The following DNAH10 variants were observed in gnomAD, a reference collection of about 807,000 sequenced individuals.
DNAH10 encodes the protein dynein axonemal heavy chain 10, also known as axonemal beta dynein heavy chain 10.
In DNAH10, 348 loss-of-function variants were observed where a neutral mutation model predicts 506.6. The ratio of observed to expected loss-of-function variants is 0.69; its 90% CI spans 0.63 to 0.75. The LOEUF (loss-of-function observed/expected upper bound fraction) is 0.75, where lower values mean the gene tolerates loss of function less well. Ranked by LOEUF, DNAH10 falls within the 30% of genes least tolerant of loss-of-function variation. DNAH10 has a pLI of 0.00. For missense variants in DNAH10, 5,179 were observed against 5,787.1 expected, an observed-to-expected ratio of 0.89 and a Z score of 3.41; for synonymous variants, 2,059 against 2,198.6, an observed-to-expected ratio of 0.94 and a Z score of 1.78.
intron 58 of DNAH10, among the ~76,000 whole-genome samples, chr12:123,910,096 A>C (rs916481928): frequency 6.6e-6 from 1 of 152,216 alleles, no homozygotes; most frequent in African/African-American, 2.4e-5. Flanking sequence ...AACAAAAGCA[A>C]TCTCAACACA....
At chr12:123,819,700 GTTTTTTTTTTTT>G (rs768231077) in intron 23 of DNAH10, among the ~76,000 whole-genome samples, 6 of 101,840 alleles carry the variant, frequency 5.9e-5, no homozygotes, top group South Asian at 3.2e-4. Context: ...CTAAAATTCT[GTTTTTTTTTTTT>G]TTTTTTTTTT....
chr12:123,855,379 C>T (rs924389154), intron 36 of DNAH10, among the ~76,000 whole-genome samples: 3 of 151,964 alleles, frequency 2.0e-5, no homozygotes, highest in Admixed American at 1.3e-4. Flanking sequence ...CTAGCACTTT[C>T]GGAGGCTGAG....
In DNAH10 at chr12:123,928,562, T is replaced by A. The variant is rs182918679; in HGVS notation, c.12281T>A (p.Ile4094Asn). 1.4e-5 allele frequency: 22 copies of A among 1,606,678 alleles called. No homozygotes were observed. The highest frequency in any genetic ancestry group is 3.4e-5 in the South Asian group (3 of 89,474). ...LTTDPTKGFP[I>N]GILQKSLKVV... is the part of the protein sequence containing the mutation. ...ACGGACCCCACCAAGGGCTTCCCCA[T>A]TGGGATTCTGCAGAAGTCCCTAAAG... The change falls in exon 70 of 79, where the codon ATT (isoleucine) becomes AAT (asparagine). Residue 4094 changes from isoleucine to asparagine, a missense_variant. By Grantham distance (149) the Ile-to-Asn change is moderately radical. This residue lies in a region of DNAH10 where 4,844 missense variants were observed against 5,430.5 expected (regional missense o/e 0.89). Coordinates refer to ENST00000673944, the MANE Select transcript of DNAH10 (RefSeq NM_001372106.1). This position sits in a 1 kb window ranked among gnomAD's most constrained non-coding sequence, Gnocchi z 4.9.
At chr12:123,863,867 C>T (rs1312892928) in intron 39 of DNAH10, among the ~76,000 whole-genome samples, 1 of 152,142 alleles carries the variant, frequency 6.6e-6, no homozygotes, top group African/African-American at 2.4e-5. Context: ...TTGACTGTAC[C>T]ACAGGAAACC....
intron 24 of DNAH10, among the ~76,000 whole-genome samples, chr12:123,821,021 G>A (rs1369173577): frequency 1.3e-5 from 2 of 152,282 alleles, no homozygotes; most frequent in Non-Finnish European, 1.5e-5. Flanking sequence ...AGGCCAAGGC[G>A]GGTGCATCAC....
At chr12:123,812,099 G>T (rs1958958699) in intron 19 of DNAH10, among the ~76,000 whole-genome samples, 1 of 152,138 alleles carries the variant, frequency 6.6e-6, no homozygotes. Context: ...TGAGCATATT[G>T]TTCAGAGAAC....
At chr12:123,915,306 T>A (rs975510740) in intron 62 of DNAH10, among the ~76,000 whole-genome samples, 1 of 151,876 alleles carries the variant, frequency 6.6e-6, no homozygotes, top group African/African-American at 2.4e-5. Flanking sequence ...TTTTTGGAGC[T>A]GAGGTGGGGG....
chr12:123,837,745 A>T (rs1392763846), intron 28 of DNAH10, among the ~76,000 whole-genome samples: 3 of 145,286 alleles, frequency 2.1e-5, no homozygotes, highest in South Asian at 2.2e-4. Flanking sequence ...CGGCTAACTT[A>T]AAAAAAAAAA....
In DNAH10 at chr12:123,861,038, T is replaced by A; in HGVS notation, c.6776T>A (p.Ile2259Asn). ...CTTGGGCTGACGACAAAGTTGTACA[T>A]CCTGAACCCCAAAGCCGTGAGTGTC... ...TKLGLTTKLY[I>N]LNPKAVSVIE... The change falls in exon 39 of 79, where the codon ATC becomes AAC. Residue 2259 changes from isoleucine (I) to asparagine (N), a missense_variant. Transcript: ENST00000673944. 1 of 1,613,922 alleles carries A rather than the reference T, an allele frequency of 6.2e-7. No homozygotes were observed. The highest frequency in any genetic ancestry group is 8.5e-7 in the Non-Finnish European group (1 of 1,179,878).
rs1480927038 is a variant in DNAH10, at chr12:123,914,740, T to C, written c.10575-112T>C. The C allele has an allele frequency of 2.0e-6, 3 of 1,465,264 alleles. No individual in the cohort carries two copies. In the Admixed American group the frequency reaches 6.8e-5, roughly 33 times the overall value. The allele number at this position is 1,465,264 out of a possible 1,614,324, so 90.8% of individuals were successfully genotyped here. ...CCTTCTCCCTGGCCTCTGAGGAGGC[T>C]TGTGTGGCCTGGGGATGGGTAGATT... On this transcript the variant is annotated intron_variant, in intron 61 of 78. Coordinates refer to ENST00000673944, the MANE Select transcript of DNAH10 (RefSeq NM_001372106.1).
At chr12:123,849,666 G>A (rs1246104110) in intron 34 of DNAH10, among the ~76,000 whole-genome samples, 3 of 152,178 alleles carry the variant, frequency 2.0e-5, no homozygotes, top group Admixed American at 2.0e-4. Flanking sequence ...GACACCACAT[G>A]TGTCCCCATC....
chr12:123,905,237 G>A (rs907612348), intron 57 of DNAH10, among the ~76,000 whole-genome samples: 3 of 152,156 alleles, frequency 2.0e-5, no homozygotes, highest in Non-Finnish European at 4.4e-5. Flanking sequence ...TGGCTGTGCC[G>A]TAATTTATTT....
chr12:123,871,776 G>A (rs1217624658), intron 45 of DNAH10, among the ~76,000 whole-genome samples, 174 bp downstream of exon 45: 1 of 152,200 alleles, frequency 6.6e-6, no homozygotes, highest in Non-Finnish European at 1.5e-5. Flanking sequence ...CAAGCTGTTG[G>A]CCAGGGCTGT....
chr12:123,808,060 TCTCA>T (rs1958779648), intron 18 of DNAH10, among the ~76,000 whole-genome samples: 1 of 127,602 alleles, frequency 7.8e-6, no homozygotes, highest in Non-Finnish European at 1.6e-5. Flanking sequence ...TGAGACAGGG[TCTCA>T]CTCTGTCACC....
chr12:123,778,960 T>C (rs1005083864), intron 5 of DNAH10, among the ~76,000 whole-genome samples: 2 of 151,282 alleles, frequency 1.3e-5, no homozygotes, highest in African/African-American at 4.9e-5. Flanking sequence ...AGTGTAGTAG[T>C]GCGATCTCAG....
At chr12:123,929,184 G>A in intron 70 of DNAH10, 91 bp from the exon 71 acceptor site, 4 of 1,334,554 alleles carry the variant, frequency 3.0e-6, no homozygotes, top group Non-Finnish European at 4.2e-6. Flanking sequence ...TCCGTAGAGA[G>A]GAAGGAAAGC....
At chr12:123,770,971 A>ACTTTTTTT (rs1283951087) in intron 2 of DNAH10, among the ~76,000 whole-genome samples, 1 of 117,886 alleles carries the variant, frequency 8.5e-6, no homozygotes, top group African/African-American at 3.4e-5. Flanking sequence ...GCTAGCTGTA[A>ACTTTTTTT]TTCTTTTTTT....
chr12:123,918,848 G>C lies in DNAH10; in HGVS notation c.11405G>C (p.Arg3802Thr). Reference protein sequence around the residue: ...YSLIAFLEVFRLSLKKSLPDS... With the variant: ...YSLIAFLEVFTLSLKKSLPDS... ...CTGATTGCCTTCTTAGAGGTCTTCA[G>C]GCTGTCACTGAAGAAGTCGCTGCCT... The change falls in exon 65 of 79, where the codon AGG (arginine) becomes ACG (threonine). Residue 3802 changes from arginine to threonine, a missense_variant. Transcript: ENST00000673944. The C allele has an allele frequency of 1.2e-6, 2 of 1,613,918 alleles. No homozygotes were observed. The highest frequency in any genetic ancestry group is 1.1e-5 in the South Asian group (1 of 91,078).
At chr12:123,854,270 G>A (rs893125160) in intron 36 of DNAH10, among the ~76,000 whole-genome samples, 4 of 151,996 alleles carry the variant, frequency 2.6e-5, no homozygotes, top group Non-Finnish European at 2.9e-5. Context: ...AAGTTGAAGG[G>A]CGATCATGCT....
Sources: gnomAD v4.1 joint callset for allele counts (sites outside exome capture counted in the v4.1 genomes callset) on GRCh38, gnomAD v4.1.1 for gene constraint, gnomAD v4.1.1 regional missense constraint, Gnocchi (gnomAD v3.1) non-coding constraint, MANE v1.5 for transcripts, NCBI Gene and HGNC (gene_info 2026-07-23, HGNC 2026-07-21) for gene names.